The following B3GLCT variants were observed in gnomAD, a reference collection of about 807,000 sequenced individuals.
B3GLCT encodes the protein beta-1,3-glucosyltransferase.
B3GLCT carries 65 observed loss-of-function variants against 63.4 expected under a neutral mutation model. The observed-to-expected ratio is 1.03, with a 90% CI of 0.84 to 1.26. The LOEUF (loss-of-function observed/expected upper bound fraction) is 1.26. Among genes scored for constraint, B3GLCT ranks in the 50% most tolerant of loss-of-function variants. B3GLCT has a pLI of 0.00. For synonymous variants in B3GLCT, 233 were observed against 219.2 expected, an observed-to-expected ratio of 1.06 and a Z score of -0.55; for missense variants, 577 against 604.8, an observed-to-expected ratio of 0.95 and a Z score of 0.48.
intron 14 of B3GLCT, among the ~76,000 whole-genome samples, chr13:31,326,803 T>C (rs1415019725): frequency 6.6e-6 from 1 of 152,234 alleles, no homozygotes; most frequent in Non-Finnish European, 1.5e-5. Flanking sequence ...TTTTGTCTAA[T>C]GCTTTTCCAT....
intron 4 of B3GLCT, among the ~76,000 whole-genome samples, chr13:31,230,554 T>G (rs574898725): frequency 1.3e-5 from 2 of 152,240 alleles, no homozygotes; most frequent in Non-Finnish European, 2.9e-5. Context: ...ATTTAAATGC[T>G]TTATATATAA....
chr13:31,231,235 G>C (rs1159568807), intron 4 of B3GLCT, among the ~76,000 whole-genome samples: 2 of 152,016 alleles, frequency 1.3e-5, no homozygotes, highest in Admixed American at 6.6e-5. Context: ...GGTGGATCCA[G>C]GGAAGCTCTA....
At chr13:31,200,875 G>T (rs1332196410) in intron 1 of B3GLCT, among the ~76,000 whole-genome samples, 2 of 152,154 alleles carry the variant, frequency 1.3e-5, no homozygotes. Context: ...TCTCCGCTGG[G>T]GACATCAGGG....
chr13:31,329,792 G>T lies in B3GLCT; in HGVS notation c.*124G>T. On this transcript the variant is annotated 3_prime_UTR_variant, in exon 15 of 15. Coordinates refer to ENST00000343307, the MANE Select transcript of B3GLCT (RefSeq NM_194318.4). The stretch of plus-strand genomic sequence containing the variant: ...GGCATTGGGTGCTTCCTGACTTTAG[G>T]GGGAGATTTTATGTATGGTATTTTT... 1 of 1,079,098 alleles carries T rather than the reference G, an allele frequency of 9.3e-7. No individual in the cohort carries two copies. Among genetic ancestry groups the T allele is most frequent in the Admixed American group, 2.0e-5 (1 of 48,898 alleles). 66.8% of individuals were successfully genotyped at this position (1,079,098 alleles called of 1,614,324 possible). A position where few individuals can be genotyped will look rare whatever the true frequency, so the allele number is the denominator to read the frequency against.
intron 12 of B3GLCT, among the ~76,000 whole-genome samples, chr13:31,314,943 A>T (rs1874918640): frequency 6.6e-6 from 1 of 152,120 alleles, no homozygotes; most frequent in Admixed American, 6.5e-5. Flanking sequence ...ATGAGATCTG[A>T]TGGGTTTATC....
intron 12 of B3GLCT, among the ~76,000 whole-genome samples, chr13:31,296,313 A>T (rs1377041068): frequency 6.6e-6 from 1 of 152,134 alleles, no homozygotes; most frequent in Non-Finnish European, 1.5e-5. Flanking sequence ...ATTATTTCTC[A>T]TAGTTCTGGA....
chr13:31,234,851 A>G (rs1278178585), intron 4 of B3GLCT, among the ~76,000 whole-genome samples: 1 of 152,144 alleles, frequency 6.6e-6, no homozygotes, highest in African/African-American at 2.4e-5. Flanking sequence ...GTTGAGGATT[A>G]CTACCAGGGA....
chr13:31,319,037 AT>A (rs755350263), intron 13 of B3GLCT, among the ~76,000 whole-genome samples: 4 of 152,110 alleles, frequency 2.6e-5, no homozygotes, highest in Non-Finnish European at 5.9e-5. Flanking sequence ...TTGGTTGTTT[AT>A]TCGTTCAACT....
At chr13:31,280,869 C>A (rs188076767) in intron 10 of B3GLCT, among the ~76,000 whole-genome samples, 69 of 152,250 alleles carry the variant, frequency 4.5e-4, no homozygotes, top group Non-Finnish European at 8.2e-4. Context: ...AACAGCAGCA[C>A]CCTCTGAGAG....
At chr13:31,299,094 G>A (rs1443514951) in intron 12 of B3GLCT, among the ~76,000 whole-genome samples, 1 of 152,142 alleles carries the variant, frequency 6.6e-6, no homozygotes, top group African/African-American at 2.4e-5. Context: ...ATAGTCACCC[G>A]AGCATCCTCT....
At chr13:31,316,290 G>A (rs1665597045) in intron 12 of B3GLCT, among the ~76,000 whole-genome samples, 1 of 150,894 alleles carries the variant, frequency 6.6e-6, no homozygotes, top group Non-Finnish European at 1.5e-5. Context: ...TGTGAAAGCA[G>A]CCACAGGGGC....
In B3GLCT at chr13:31,260,964, G is replaced by C. The variant is rs148471818; in HGVS notation, c.478G>C (p.Ala160Pro). 1 of 1,613,886 alleles carries C rather than the reference G, an allele frequency of 6.2e-7. No homozygotes were observed. The highest frequency in any genetic ancestry group is 1.1e-5 in the South Asian group (1 of 91,070). The change falls in exon 7 of 15, where the codon GCA becomes CCA. Residue 160 changes from alanine to proline, a missense_variant. By Grantham distance (27) the Ala-to-Pro change is conservative (BLOSUM62 -1). Transcript: ENST00000343307. ...DPSKEWFLGK[A>P]LHDEEATIIH... The stretch of plus-strand genomic sequence containing the variant: ...TTAACAGGAATGGTTTTTGGGAAAA[G>C]CATTACATGATGAAGAAGCTACAAT...
intron 10 of B3GLCT, among the ~76,000 whole-genome samples, chr13:31,281,204 C>T (rs544235307): frequency 6.9e-4 from 105 of 152,138 alleles, no homozygotes; most frequent in African/African-American, 2.0e-3. Flanking sequence ...GTTAAATTGC[C>T]GTTTGCTCAG....
At chr13:31,263,300 G>T (rs1229887642) in intron 7 of B3GLCT, among the ~76,000 whole-genome samples, 5 of 152,290 alleles carry the variant, frequency 3.3e-5, no homozygotes, top group Non-Finnish European at 7.4e-5. Flanking sequence ...GTTGAATTAG[G>T]TGTTAGAAGT....
chr13:31,242,769 A>G (rs2137797905), intron 4 of B3GLCT, among the ~76,000 whole-genome samples: 2 of 152,368 alleles, frequency 1.3e-5, no homozygotes, highest in Middle Eastern at 6.8e-3. Flanking sequence ...TAAATTGTTC[A>G]TAAAAATAAA....
At chr13:31,314,932 C>T (rs1002591086) in intron 12 of B3GLCT, among the ~76,000 whole-genome samples, 2 of 152,196 alleles carry the variant, frequency 1.3e-5, no homozygotes, top group Admixed American at 6.5e-5. Flanking sequence ...GAATAAGACT[C>T]ATGAGATCTG....
intron 1 of B3GLCT, among the ~76,000 whole-genome samples, chr13:31,211,643 G>A (rs1869265629): frequency 6.6e-6 from 1 of 151,644 alleles, no homozygotes; most frequent in Admixed American, 6.6e-5. Flanking sequence ...TTTGGACAGA[G>A]CTAGAATCTA....
chr13:31,247,789 A>G lies in B3GLCT; in HGVS notation c.348-66A>G, dbSNP rs1478112298. 20 of 796,938 alleles carry G rather than the reference A, an allele frequency of 2.5e-5. 1 individual carries two copies. In the East Asian group the frequency reaches 4.7e-4, roughly 19 times the overall value. 49.4% of individuals were successfully genotyped at this position (796,938 alleles called of 1,614,324 possible). On this transcript the variant is annotated intron_variant, in intron 5 of 14. Transcript: ENST00000343307. Reference sequence around the variant, plus strand: ...ACCCTTCATTCACTTCCTACTGATCAGTTTTAAACCTTATTATTAACTTAT... The same window carrying G: ...ACCCTTCATTCACTTCCTACTGATCGGTTTTAAACCTTATTATTAACTTAT...
chr13:31,279,781 C>T (rs545177590), intron 10 of B3GLCT, among the ~76,000 whole-genome samples: 4 of 152,248 alleles, frequency 2.6e-5, no homozygotes, highest in Non-Finnish European at 5.9e-5. Context: ...GGGAGCGCTA[C>T]GGGAGACTGG....
Sources: gnomAD v4.1 joint callset for allele counts (sites outside exome capture counted in the v4.1 genomes callset) on GRCh38, gnomAD v4.1.1 for gene constraint, MANE v1.5 for transcripts, NCBI Gene and HGNC (gene_info 2026-07-23, HGNC 2026-07-21) for gene names.